Variants in TEK observed in about 807,000 individuals in gnomAD.
TEK encodes TEK receptor tyrosine kinase, also known as angiopoietin-1 receptor.
Under a neutral mutation model 131.8 loss-of-function variants are expected in TEK, and 43 were observed. The ratio of observed to expected loss-of-function variants is 0.33; its 90% confidence interval spans 0.26 to 0.42. The LOEUF (loss-of-function observed/expected upper bound fraction) is 0.42, where lower values mean the gene tolerates loss of function less well. TEK is among the 10% of genes least tolerant of loss of function. TEK has a pLI of 1.00. For synonymous variants in TEK, 580 were observed against 491.6 expected, an observed-to-expected ratio of 1.18 and a Z score of -2.38; for missense variants, 1,162 against 1,384.4, an observed-to-expected ratio of 0.84 and a Z score of 2.55.
intron 18 of TEK, among the ~76,000 whole-genome samples, chr9:27,213,843 T>G (rs1825720435): frequency 6.6e-6 from 1 of 152,238 alleles, no homozygotes; most frequent in South Asian, 2.1e-4. Context: ...TGTTCAAACC[T>G]AGTGGTTTGG....
chr9:27,140,901 A>G (rs575882201), intron 1 of TEK, among the ~76,000 whole-genome samples: 1 of 152,080 alleles, frequency 6.6e-6, no homozygotes, highest in Non-Finnish European at 1.5e-5. Flanking sequence ...TATGCCTTCA[A>G]TCTTGAGTTT....
chr9:27,185,865 G>A lies in TEK; in HGVS notation c.1327+236G>A, dbSNP rs561183909. 3.3e-5 allele frequency among the ~76,000 whole-genome samples: 5 copies of A among 152,232 alleles called. No individual in the cohort carries two copies. In the East Asian group the frequency reaches 5.8e-4, roughly 18 times the overall value. ...CCTAACAGCTCATAATCTTGTGGGT[G>A]GCCTTGACCAAATGAAGTTACCTTT... is the stretch of plus-strand genomic sequence containing the variant. On this transcript the variant is annotated intron_variant, in intron 9 of 22. Coordinates refer to ENST00000380036, the MANE Select transcript of TEK (RefSeq NM_000459.5).
At chr9:27,164,320 G>A (rs1049608279) in intron 2 of TEK, among the ~76,000 whole-genome samples, 16 of 138,018 alleles carry the variant, frequency 1.2e-4, no homozygotes, top group African/African-American at 4.3e-4. Context: ...TTACAGTCTT[G>A]ATTTTTTTTT....
chr9:27,163,656 A>G (rs991471715), intron 2 of TEK, among the ~76,000 whole-genome samples: 5 of 152,196 alleles, frequency 3.3e-5, no homozygotes. Context: ...TTGTGTCTCA[A>G]CTTCCACATT....
intron 21 of TEK, among the ~76,000 whole-genome samples, chr9:27,227,362 G>C (rs922308004): frequency 6.6e-6 from 1 of 152,210 alleles, no homozygotes; most frequent in African/African-American, 2.4e-5. Flanking sequence ...ATAAATACAT[G>C]ATGCAAGGGG....
At chr9:27,139,253 A>T (rs942452346) in intron 1 of TEK, among the ~76,000 whole-genome samples, 1 of 146,694 alleles carries the variant, frequency 6.8e-6, no homozygotes, top group African/African-American at 2.5e-5. Flanking sequence ...TTTATTGTCT[A>T]AAAATCCTGT....
chr9:27,144,797 G>T (rs967057405), intron 1 of TEK, among the ~76,000 whole-genome samples: 2 of 152,168 alleles, frequency 1.3e-5, no homozygotes, highest in African/African-American at 4.8e-5. Context: ...CTAAGAATAT[G>T]TCCCCTCTAG....
chr9:27,188,773 T>C (rs7848032), intron 9 of TEK, among the ~76,000 whole-genome samples: 2,109 of 152,174 alleles, frequency 0.014, 53 homozygotes, highest in African/African-American at 0.048. Flanking sequence ...GAGCAGTGAA[T>C]AATACAGGGG....
Position 27,117,055 on chromosome 9 carries a change from C to T in TEK, c.52+7413C>T, listed in dbSNP as rs1039085447. 5.3e-5 allele frequency among the ~76,000 whole-genome samples: 8 copies of T among 151,632 alleles called. No homozygotes were observed. The South Asian group carries it at 1.3e-3, about 24-fold the overall frequency. Reference sequence around the variant, plus strand: ...TTTTTTTTTTAATTTTTAGTAGAGACGTGGTTTCACTGTGTTAGCCAGGAT... The same window carrying T: ...TTTTTTTTTTAATTTTTAGTAGAGATGTGGTTTCACTGTGTTAGCCAGGAT... On this transcript the variant is annotated intron_variant, in intron 1 of 22. Coordinates refer to ENST00000380036, the MANE Select transcript of TEK (RefSeq NM_000459.5).
intron 1 of TEK, among the ~76,000 whole-genome samples, chr9:27,134,957 A>G (rs1822362638): frequency 6.6e-6 from 1 of 152,090 alleles, no homozygotes; most frequent in African/African-American, 2.4e-5. Context: ...AGGGTGTGTA[A>G]TAAATTGTTA....
intron 21 of TEK, among the ~76,000 whole-genome samples, chr9:27,223,093 G>A (rs900924270): frequency 6.6e-6 from 1 of 152,108 alleles, no homozygotes; most frequent in Admixed American, 6.5e-5. Flanking sequence ...AAATATATAT[G>A]CACCCAATGC....
At chr9:27,218,880 C>G in intron 20 of TEK, 63 bp downstream of exon 20, 1 of 1,487,422 alleles carries the variant, frequency 6.7e-7, no homozygotes, top group Non-Finnish European at 9.4e-7. Context: ...GCCTCTAGCA[C>G]TCCCTTGCTG....
chr9:27,136,672 A>G (rs979021517), intron 1 of TEK, among the ~76,000 whole-genome samples: 1 of 152,208 alleles, frequency 6.6e-6, no homozygotes, highest in East Asian at 1.9e-4. Context: ...ACAAAGAAGC[A>G]GTTTCTACAG....
intron 20 of TEK, among the ~76,000 whole-genome samples, chr9:27,219,038 TTATTA>T (rs1564107110): frequency 6.6e-6 from 1 of 152,170 alleles, no homozygotes; most frequent in African/African-American, 2.4e-5. Flanking sequence ...GCCATGAACT[TTATTA>T]TATATTAATT....
At chr9:27,155,032 A>C (rs1823279777) in intron 1 of TEK, among the ~76,000 whole-genome samples, 1 of 152,232 alleles carries the variant, frequency 6.6e-6, no homozygotes, top group African/African-American at 2.4e-5. Context: ...CTCAGAGCAG[A>C]TCCTGTGGTT....
At position 27,123,052 on chromosome 9, in the gene TEK, C is replaced by CAAAAAAAAAAAAA. The variant is rs10700803; in HGVS notation, c.52+13424_52+13436dup. Among the ~76,000 whole-genome samples, 57 of 34,710 alleles carry CAAAAAAAAAAAAA rather than the reference C, an allele frequency of 1.6e-3. 10 individuals are homozygous for CAAAAAAAAAAAAA. Among genetic ancestry groups the CAAAAAAAAAAAAA allele is most frequent in the East Asian group, 2.6e-3 (2 of 782 alleles). 22.8% of individuals were successfully genotyped at this position (34,710 alleles called of 152,430 possible). ...TGGGTGACAGAGCGAGACTCTGTCT[C>CAAAAAAAAAAAAA]AAAAAAAAAAAAAAAAAAAAAAAAA... On this transcript the variant is annotated intron_variant, in intron 1 of 22. Coordinates refer to ENST00000380036, the MANE Select transcript of TEK (RefSeq NM_000459.5).
intron 13 of TEK, among the ~76,000 whole-genome samples, 191 bp from the exon 14 acceptor site, chr9:27,204,720 A>T (rs1480210081): frequency 1.3e-5 from 2 of 151,546 alleles, no homozygotes; most frequent in Non-Finnish European, 2.9e-5. Context: ...TCTTATTACA[A>T]CCCTGTGAGT....
At chr9:27,174,405 A>G (rs895396123) in intron 6 of TEK, among the ~76,000 whole-genome samples, 1 of 152,260 alleles carries the variant, frequency 6.6e-6, no homozygotes, top group Admixed American at 6.5e-5. Context: ...TAGTGTCCAC[A>G]TTAAAAAAGT....
At position 27,185,485 on chromosome 9, in the gene TEK, C is replaced by T; in HGVS notation, c.1183C>T (p.Pro395Ser). 2 of 1,613,572 alleles carry T rather than the reference C, an allele frequency of 1.2e-6. No homozygotes were observed. The highest frequency in any genetic ancestry group is 1.7e-6 in the Non-Finnish European group (2 of 1,179,648). Residue 395 changes from proline (P) to serine (S), a missense_variant and splice_region_variant, in exon 9 of 23, where the codon CCA becomes TCA. By Grantham distance (74) the Pro-to-Ser change is moderately conservative. Coordinates refer to ENST00000380036, the MANE Select transcript of TEK (RefSeq NM_000459.5). ...LVKPDGTVLH[P>S]KDFNHTDHFS... ...ATTTTTTTGTATTTGACCTTTTCAG[C>T]CAAAAGACTTTAACCATACGGATCA...
Sources: allele counts gnomAD v4.1 joint callset (sites outside exome capture counted in the v4.1 genomes callset), GRCh38; gene constraint gnomAD v4.1.1; transcripts MANE v1.5; gene names NCBI Gene and HGNC (gene_info 2026-07-23, HGNC 2026-07-21).